AGBL4: variants seen among roughly 807,000 people sequenced by gnomAD.
AGBL4 encodes the protein cytosolic carboxypeptidase 6.
In AGBL4, 58 loss-of-function variants were observed where a neutral mutation model predicts 66.4. That is an observed-to-expected ratio of 0.87 (90% CI 0.71 to 1.09). The LOEUF (loss-of-function observed/expected upper bound fraction) is 1.09, where lower values mean the gene tolerates loss of function less well. Ranked by LOEUF, AGBL4 falls within the 50% of genes least tolerant of loss-of-function variation. The probability of loss-of-function intolerance (pLI) is 0.00; values close to 1 mark genes in which losing one functional copy is unlikely to be tolerated. For synonymous variants in AGBL4, 234 were observed against 222.9 expected, an observed-to-expected ratio of 1.05 and a Z score of -0.44; for missense variants, 579 against 631.0, an observed-to-expected ratio of 0.92 and a Z score of 0.88.
At chr1:49,900,660 A>G (rs1649679709) in intron 1 of AGBL4, among the ~76,000 whole-genome samples, 1 of 152,220 alleles carries the variant, frequency 6.6e-6, no homozygotes, top group African/African-American at 2.4e-5. Context: ...CCACATTTTA[A>G]TACCCAAAAA....
intron 3 of AGBL4, among the ~76,000 whole-genome samples, chr1:49,642,080 T>C (rs1645792251): frequency 6.6e-6 from 1 of 151,982 alleles, no homozygotes; most frequent in Admixed American, 6.6e-5. Flanking sequence ...ATTAGAGTAA[T>C]ATTTTCCTTG....
chr1:49,031,527 A>T (rs1664225739), intron 5 of AGBL4, among the ~76,000 whole-genome samples: 1 of 152,166 alleles, frequency 6.6e-6, no homozygotes, highest in African/African-American at 2.4e-5. Flanking sequence ...GATCCAGAAT[A>T]TACGAATAAC....
At chr1:49,003,129 G>T (rs1661517037) in intron 5 of AGBL4, among the ~76,000 whole-genome samples, 1 of 152,212 alleles carries the variant, frequency 6.6e-6, no homozygotes. Context: ...CAGGCACGTT[G>T]GTGCACGCCT....
chr1:49,530,409 T>A (rs1409037661), intron 3 of AGBL4, among the ~76,000 whole-genome samples: 1 of 151,936 alleles, frequency 6.6e-6, no homozygotes, highest in African/African-American at 2.4e-5. Context: ...TCATTTAACA[T>A]TAGGTATATC....
At chr1:48,791,856 A>G (rs1645560121) in intron 6 of AGBL4, among the ~76,000 whole-genome samples, 1 of 152,244 alleles carries the variant, frequency 6.6e-6, no homozygotes. Context: ...ATGGTCAATC[A>G]TTCAAAAAAC....
At chr1:49,936,520 C>G (rs1027853903) in intron 1 of AGBL4, among the ~76,000 whole-genome samples, 10 of 152,068 alleles carry the variant, frequency 6.6e-5, no homozygotes, top group Non-Finnish European at 1.2e-4. Flanking sequence ...AGAGCAACTC[C>G]AGGACACATA....
rs954448114 is a variant in AGBL4 at position 49,292,686 on chromosome 1, A to G, written c.283-46822T>C. On this transcript the variant is annotated intron_variant, in intron 3 of 13. Coordinates refer to ENST00000371839, the MANE Select transcript of AGBL4 (RefSeq NM_032785.4). The stretch of plus-strand genomic sequence containing the variant: ...GCCTCCTCTCTACTGAAAGCTGCAG[A>G]CATCAGGATTACCTGCTGCAGAGAG... Among the ~76,000 whole-genome samples the G allele has an allele frequency of 2.0e-5, 3 of 152,126 alleles. No individual in the cohort carries two copies. In the South Asian group the frequency reaches 6.2e-4, roughly 32 times the overall value.
intron 6 of AGBL4, among the ~76,000 whole-genome samples, chr1:48,815,812 G>A (rs1646159980): frequency 6.6e-6 from 1 of 152,086 alleles, no homozygotes; most frequent in South Asian, 2.1e-4. Flanking sequence ...AAGGCAGATG[G>A]GTTAAGAGTT....
At chr1:50,000,310 T>C (rs1185869378) in intron 1 of AGBL4, among the ~76,000 whole-genome samples, 1 of 152,052 alleles carries the variant, frequency 6.6e-6, no homozygotes, top group Non-Finnish European at 1.5e-5. Flanking sequence ...CCAATGAACA[T>C]ATGGAAAAAT....
chr1:48,666,666 A>G (rs56834819), intron 6 of AGBL4, among the ~76,000 whole-genome samples: 2,201 of 152,336 alleles, frequency 0.014, 64 homozygotes, highest in African/African-American at 0.05. Context: ...CAGAAAACCA[A>G]GGCCAAGAGA....
At chr1:48,734,256 G>A (rs949495851) in intron 6 of AGBL4, among the ~76,000 whole-genome samples, 9 of 152,140 alleles carry the variant, frequency 5.9e-5, no homozygotes, top group African/African-American at 1.7e-4. Context: ...CAGAGTCGGC[G>A]GGTGTGTGTT....
intron 1 of AGBL4, among the ~76,000 whole-genome samples, chr1:49,916,693 A>G (rs1371231223): frequency 1.3e-5 from 2 of 152,238 alleles, no homozygotes; most frequent in Non-Finnish European, 1.5e-5. Flanking sequence ...TCCCCAACCT[A>G]GCAAGGCAGG....
intron 1 of AGBL4, among the ~76,000 whole-genome samples, chr1:49,911,279 T>C (rs979692570): frequency 6.6e-6 from 1 of 152,078 alleles, no homozygotes; most frequent in East Asian, 1.9e-4. Context: ...AAATAAGAAA[T>C]ACATTATTTC....
chr1:48,695,849 GT>G (rs1315948980), intron 6 of AGBL4, among the ~76,000 whole-genome samples: 4 of 152,184 alleles, frequency 2.6e-5, no homozygotes, highest in Non-Finnish European at 5.9e-5. Context: ...GGTTTGGTAA[GT>G]ACTAGCCTAG....
intron 3 of AGBL4, among the ~76,000 whole-genome samples, chr1:49,535,037 G>A (rs1488317903): frequency 2.6e-5 from 4 of 152,176 alleles, no homozygotes; most frequent in African/African-American, 9.6e-5. Context: ...TTGAAAAGAG[G>A]TGAGGGAAGA....
At chr1:48,776,614 G>A (rs1278855559) in intron 6 of AGBL4, 2 of 1,430,558 alleles carry the variant, frequency 1.4e-6, no homozygotes, top group Non-Finnish European at 1.8e-6. Context: ...ACCTGCCAGC[G>A]CCAGGATCTG....
chr1:49,233,659 A>G (rs1459184235), intron 4 of AGBL4, among the ~76,000 whole-genome samples: 2 of 152,232 alleles, frequency 1.3e-5, no homozygotes, highest in Non-Finnish European at 2.9e-5. Flanking sequence ...TAAGTGCCAT[A>G]AAAATGGTTC....
chr1:48,721,762 T>C (rs78396747), intron 6 of AGBL4, among the ~76,000 whole-genome samples: 2,787 of 152,306 alleles, frequency 0.018, 81 homozygotes, highest in African/African-American at 0.054. Context: ...GACTGAGTTG[T>C]GGTGACCCCA....
intron 4 of AGBL4, among the ~76,000 whole-genome samples, chr1:49,178,673 A>G (rs1240851126): frequency 6.6e-6 from 1 of 152,198 alleles, no homozygotes; most frequent in Non-Finnish European, 1.5e-5. Flanking sequence ...TATGAGAACA[A>G]GGACCATTCC....
Sources: allele counts gnomAD v4.1 joint callset (sites outside exome capture counted in the v4.1 genomes callset), GRCh38; gene constraint gnomAD v4.1.1; transcripts MANE v1.5; gene names NCBI Gene and HGNC (gene_info 2026-07-23, HGNC 2026-07-21).